MYO9A: variants seen among roughly 807,000 people sequenced by gnomAD.
MYO9A encodes myosin IXA.
Under a neutral mutation model 293.3 loss-of-function variants are expected in MYO9A, and 103 were observed. The observed-to-expected ratio is 0.35, with a 90% CI of 0.30 to 0.41. The LOEUF is 0.41. MYO9A is among the 10% of genes least tolerant of loss of function. MYO9A has a pLI of 1.00. For missense variants in MYO9A, 2,685 were observed against 3,033.0 expected, an observed-to-expected ratio of 0.89 and a Z score of 2.69; for synonymous variants, 1,001 against 1,035.7, an observed-to-expected ratio of 0.97 and a Z score of 0.64.
chr15:72,101,520 G>C (rs1414809021), intron 1 of MYO9A, among the ~76,000 whole-genome samples: 2 of 107,852 alleles, frequency 1.9e-5, no homozygotes, highest in South Asian at 3.3e-4. Flanking sequence ...AGGTGGGGGG[G>C]TCAGCCCCCC....
intron 19 of MYO9A, among the ~76,000 whole-genome samples, chr15:71,914,404 A>G (rs1338924680): frequency 6.6e-6 from 1 of 152,188 alleles, no homozygotes; most frequent in Non-Finnish European, 1.5e-5. Context: ...CTATGGTATC[A>G]TTTTCATGAA....
chr15:71,999,472 C>T lies in MYO9A; in HGVS notation c.1470+379G>A, dbSNP rs183184763. Among the ~76,000 whole-genome samples the T allele has an allele frequency of 4.6e-5, 7 of 151,858 alleles. No individual in the cohort carries two copies. In the East Asian group the frequency reaches 1.4e-3, roughly 29 times the overall value. The stretch of plus-strand genomic sequence containing the variant: ...GCAGAAAGAACTGCAAACAAGTAGC[C>T]AACAATGAAAAAGTTAACCAAAAAA... On this transcript the variant is annotated intron_variant, in intron 9 of 41. Transcript: ENST00000356056.
intron 13 of MYO9A, among the ~76,000 whole-genome samples, chr15:71,961,950 C>T (rs972545167): frequency 5.3e-5 from 8 of 152,084 alleles, no homozygotes; most frequent in Admixed American, 1.3e-4. Context: ...TCTTGAACTC[C>T]TGGCCTCAAG....
intron 18 of MYO9A, among the ~76,000 whole-genome samples, chr15:71,928,469 T>A (rs2058388153): frequency 6.6e-6 from 1 of 152,022 alleles, no homozygotes; most frequent in African/African-American, 2.4e-5. Flanking sequence ...TTTTTTTATT[T>A]CTGTGAAAAA....
At chr15:72,026,921 T>A (rs1425474805) in intron 4 of MYO9A, among the ~76,000 whole-genome samples, 1 of 152,194 alleles carries the variant, frequency 6.6e-6, no homozygotes, top group Non-Finnish European at 1.5e-5. Flanking sequence ...TGAACAGATC[T>A]ATAATAACTA....
chr15:72,039,654 C>A (rs796265201), intron 2 of MYO9A, among the ~76,000 whole-genome samples: 18 of 152,002 alleles, frequency 1.2e-4, no homozygotes, highest in African/African-American at 3.1e-4. Context: ...CATGGAGAAA[C>A]CCCATCTCTA....
At chr15:72,031,478 C>T (rs2077868283) in intron 3 of MYO9A, among the ~76,000 whole-genome samples, 1 of 151,736 alleles carries the variant, frequency 6.6e-6, no homozygotes. Context: ...TGAGTGAGAC[C>T]CTTCTCAAAA....
chr15:72,068,101 T>A (rs960003572), intron 1 of MYO9A, among the ~76,000 whole-genome samples: 3 of 152,216 alleles, frequency 2.0e-5, no homozygotes, highest in South Asian at 4.1e-4. Flanking sequence ...CATACTTGCC[T>A]ATAGGACTAT....
In MYO9A at chr15:72,046,197, A is replaced by G. The variant is rs918717591; in HGVS notation, c.367T>C (p.Ser123Pro). The G allele has an allele frequency of 5.0e-6, 8 of 1,613,974 alleles. No homozygotes were observed. Among genetic ancestry groups the G allele is most frequent in the African/African-American group, 4.0e-5 (3 of 74,912 alleles). The change falls in exon 2 of 42, where the codon TCA becomes CCA. Residue 123 changes from serine to proline, a missense_variant. Transcript: ENST00000356056. ...DGSIHYGSLQSWLRVTEERRR... is the reference protein window; with the variant it reads ...DGSIHYGSLQPWLRVTEERRR... ...CGTTCTTCTGTTACCCGTAGCCATG[A>G]CTGCAGGCTACCATAATGGATTGAT...
chr15:72,024,549 A>G (rs1020222495), intron 4 of MYO9A, among the ~76,000 whole-genome samples: 1 of 152,230 alleles, frequency 6.6e-6, no homozygotes, highest in African/African-American at 2.4e-5. Context: ...CTGGGATTAC[A>G]GGCAGGAGCC....
intron 39 of MYO9A, among the ~76,000 whole-genome samples, chr15:71,847,938 T>G (rs1212924738): frequency 6.6e-6 from 1 of 152,120 alleles, no homozygotes; most frequent in East Asian, 1.9e-4. Flanking sequence ...AAAGAATTAT[T>G]TTAGTGCTAA....
intron 4 of MYO9A, among the ~76,000 whole-genome samples, chr15:72,026,477 A>G (rs2077677930): frequency 6.6e-6 from 1 of 151,554 alleles, no homozygotes; most frequent in African/African-American, 2.4e-5. Flanking sequence ...GGGGCTTTAT[A>G]CCTGTAAACC....
chr15:72,002,192 C>T (rs546737314), intron 8 of MYO9A, among the ~76,000 whole-genome samples: 8 of 151,634 alleles, frequency 5.3e-5, no homozygotes, highest in East Asian at 3.9e-4. Flanking sequence ...GAGCCATGAT[C>T]GTGCCACTGC....
chr15:71,956,330 A>AAT (rs1555490832), intron 14 of MYO9A, among the ~76,000 whole-genome samples: 5 of 75,582 alleles, frequency 6.6e-5, no homozygotes, highest in African/African-American at 2.4e-4. Flanking sequence ...AAAAAAAAAA[A>AAT]ATATATATAT....
intron 4 of MYO9A, among the ~76,000 whole-genome samples, chr15:72,023,627 G>A (rs941586618): frequency 1.2e-4 from 17 of 146,924 alleles, no homozygotes; most frequent in South Asian, 2.1e-4. Context: ...CCCAGGAGGC[G>A]AAGGTTGTAC....
In MYO9A at chr15:71,848,835, T is replaced by C; in HGVS notation, c.6837+10A>G. On this transcript the variant is annotated intron_variant, in intron 39 of 41. Coordinates refer to ENST00000356056, the MANE Select transcript of MYO9A (RefSeq NM_006901.4). Reference sequence around the variant, plus strand: ...CCCATTTTTCCACTATTCCATGTGTTGCATCTTACCATTGATCTACGAATC... The same window carrying C: ...CCCATTTTTCCACTATTCCATGTGTCGCATCTTACCATTGATCTACGAATC... 1 of 1,599,470 alleles carries C rather than the reference T, an allele frequency of 6.3e-7. No individual in the cohort carries two copies. The highest frequency in any genetic ancestry group is 8.5e-7 in the Non-Finnish European group (1 of 1,175,892).
intron 27 of MYO9A, among the ~76,000 whole-genome samples, chr15:71,885,551 T>A (rs561402842): frequency 1.3e-5 from 2 of 152,272 alleles, no homozygotes; most frequent in East Asian, 3.9e-4. Context: ...TGCTCCAATT[T>A]GGAGTGGTTT....
intron 13 of MYO9A, among the ~76,000 whole-genome samples, chr15:71,962,057 T>C (rs910389412): frequency 5.9e-5 from 9 of 152,072 alleles, no homozygotes; most frequent in Non-Finnish European, 8.8e-5. Flanking sequence ...ATAAGAAGGA[T>C]TGTAAATAGG....
In MYO9A at chr15:71,850,146, A is replaced by G. The variant is rs769477918; in HGVS notation, c.6603T>C (p.Thr2201=). ...HLVRIALQED[T]NRMSANALAI... ...CCAAAGCATTAGCAGACATTCGATT[A>G]GTGTCTTCCTGCAGAGCAATCCTAA... The change falls in exon 38 of 42, where the codon ACT becomes ACC. Residue 2201 remains threonine (T), a synonymous_variant. Coordinates refer to ENST00000356056, the MANE Select transcript of MYO9A (RefSeq NM_006901.4). 17 of 1,614,030 alleles carry G rather than the reference A, an allele frequency of 1.1e-5. No homozygotes were observed. The highest frequency in any genetic ancestry group is 2.7e-5 in the African/African-American group (2 of 74,936).
Sources: allele counts gnomAD v4.1 joint callset (sites outside exome capture counted in the v4.1 genomes callset), GRCh38; gene constraint gnomAD v4.1.1; transcripts MANE v1.5; gene names NCBI Gene and HGNC (gene_info 2026-07-23, HGNC 2026-07-21).